The following ADAMTSL1 variants were observed in gnomAD, a reference collection of about 807,000 sequenced individuals.
The protein encoded by ADAMTSL1 is ADAMTS like 1, also known as ADAMTS-like protein 1.
A neutral mutation model predicts 201.8 loss-of-function variants in ADAMTSL1; 126 were observed. That is an observed-to-expected ratio of 0.62 (90% CI 0.54 to 0.72). The LOEUF (loss-of-function observed/expected upper bound fraction) is 0.72, where lower values mean the gene tolerates loss of function less well. ADAMTSL1 is among the 30% of genes least tolerant of loss of function. ADAMTSL1 has a pLI of 0.00. For synonymous variants in ADAMTSL1, 1,121 were observed against 903.4 expected (o/e 1.24, Z -4.32); for missense variants, 2,679 against 2,277.8 (o/e 1.18, Z -3.59).
chr9:18,598,981 G>A (rs569900266), intron 4 of ADAMTSL1, among the ~76,000 whole-genome samples: 3 of 152,208 alleles, frequency 2.0e-5, no homozygotes, highest in African/African-American at 7.2e-5. Flanking sequence ...ACTTCATACT[G>A]TCCTCTCTGC....
In ADAMTSL1 at chr9:18,370,322, G is replaced by A. The variant is rs180983678; in HGVS notation, c.208-134507G>A. ...GCACTGGGGACTCCAAAGGGGAGGAGAATGGATGAGGGTTGAAAAATTACC... is the reference window on the plus strand; with the variant it reads ...GCACTGGGGACTCCAAAGGGGAGGAAAATGGATGAGGGTTGAAAAATTACC... On this transcript the variant is annotated intron_variant, in intron 2 of 29. Transcript: ENST00000680146. Among the ~76,000 whole-genome samples the A allele has an allele frequency of 5.9e-5, 9 of 151,662 alleles. No homozygotes were observed. The East Asian group carries it at 1.8e-3, about 30-fold the overall frequency.
At chr9:18,558,482 G>A (rs1821252458) in intron 3 of ADAMTSL1, among the ~76,000 whole-genome samples, 2 of 152,260 alleles carry the variant, frequency 1.3e-5, no homozygotes, top group South Asian at 4.1e-4. Context: ...GTGTGCATGT[G>A]TCTTTATACT....
At chr9:18,868,452 T>C (rs1827679047) in intron 23 of ADAMTSL1, among the ~76,000 whole-genome samples, 1 of 152,048 alleles carries the variant, frequency 6.6e-6, no homozygotes, top group African/African-American at 2.4e-5. Context: ...TTTCTTCTAT[T>C]AGTTAAGTTA....
At chr9:18,546,092 T>C (rs1047553010) in intron 3 of ADAMTSL1, among the ~76,000 whole-genome samples, 4 of 152,214 alleles carry the variant, frequency 2.6e-5, no homozygotes, top group African/African-American at 4.8e-5. Flanking sequence ...TTCTTATGTT[T>C]TCCTTTGCAT....
intron 3 of ADAMTSL1, among the ~76,000 whole-genome samples, chr9:18,570,215 G>T (rs1215007434): frequency 1.4e-5 from 2 of 146,270 alleles, no homozygotes; most frequent in Non-Finnish European, 3.0e-5. Context: ...GACCCCATTC[G>T]CCACAAAAGG....
At chr9:18,591,311 C>G (rs112453476) in intron 4 of ADAMTSL1, among the ~76,000 whole-genome samples, 39 of 152,136 alleles carry the variant, frequency 2.6e-4, no homozygotes, top group African/African-American at 8.9e-4. Context: ...CTTAAAGTCT[C>G]TTTTATATGA....
chr9:18,540,908 C>G (rs1175293917), intron 3 of ADAMTSL1, among the ~76,000 whole-genome samples: 1 of 152,174 alleles, frequency 6.6e-6, no homozygotes, highest in East Asian at 1.9e-4. Context: ...AAGAACCTGG[C>G]TGCTGCTTCA....
At chr9:18,370,711 A>G (rs1837008022) in intron 2 of ADAMTSL1, among the ~76,000 whole-genome samples, 2 of 143,426 alleles carry the variant, frequency 1.4e-5, no homozygotes, top group South Asian at 4.2e-4. Context: ...TTTTTTTTTA[A>G]GAAAGAAAGC....
At chr9:18,253,152 G>C (rs1416692175) in intron 2 of ADAMTSL1, among the ~76,000 whole-genome samples, 1 of 152,090 alleles carries the variant, frequency 6.6e-6, no homozygotes, top group Non-Finnish European at 1.5e-5. Flanking sequence ...AATATGTATG[G>C]TACTATCTCA....
Position 18,776,121 on chromosome 9 carries a change from G to C in ADAMTSL1, c.2551+225G>C, listed in dbSNP as rs377269982. On this transcript the variant is annotated intron_variant, in intron 18 of 28. Coordinates refer to ENST00000380548, the MANE Select transcript of ADAMTSL1 (RefSeq NM_001040272.6). ...TCTCCACTGGAAAAACAGTTTGCAG[G>C]GGGGTAGAGCAAAGTTCACTTGCTG... 6.2e-4 allele frequency among the ~76,000 whole-genome samples: 94 copies of C among 152,282 alleles called. 1 individual carries two copies. In the East Asian group the frequency reaches 0.016, roughly 26 times the overall value.
At chr9:18,877,540 C>G (rs1316580850) in intron 23 of ADAMTSL1, among the ~76,000 whole-genome samples, 1 of 152,144 alleles carries the variant, frequency 6.6e-6, no homozygotes, top group Non-Finnish European at 1.5e-5. Flanking sequence ...GGGCTTCTGG[C>G]TGGTACTGAG....
At chr9:18,074,276 T>C (rs1166715169) in intron 1 of ADAMTSL1, among the ~76,000 whole-genome samples, 3 of 152,094 alleles carry the variant, frequency 2.0e-5, no homozygotes, top group Admixed American at 6.5e-5. Flanking sequence ...AAACTATGAA[T>C]GCAATGCAGG....
intron 4 of ADAMTSL1, among the ~76,000 whole-genome samples, chr9:18,613,889 G>A (rs1825542870): frequency 6.6e-6 from 1 of 152,052 alleles, no homozygotes; most frequent in African/African-American, 2.4e-5. Context: ...GAACTTAAAA[G>A]TTAAAAATTA....
chr9:17,956,131 ATACTT>A (rs1827920254), intron 1 of ADAMTSL1, among the ~76,000 whole-genome samples: 1 of 152,320 alleles, frequency 6.6e-6, no homozygotes, highest in South Asian at 2.1e-4. Flanking sequence ...ATGCAATCAA[ATACTT>A]TAACAGAAAT....
intron 26 of ADAMTSL1, among the ~76,000 whole-genome samples, chr9:18,894,592 TGAATTGAACAACTAGATAG>T (rs2131575353): frequency 6.6e-6 from 1 of 152,142 alleles, no homozygotes; most frequent in African/African-American, 2.4e-5. Context: ...CTGGAGGTTC[TGAATTGAACAACTAGATAG>T]GAATACAGAA....
At chr9:18,619,693 T>A (rs1022981775) in intron 4 of ADAMTSL1, among the ~76,000 whole-genome samples, 2 of 152,200 alleles carry the variant, frequency 1.3e-5, no homozygotes, top group Non-Finnish European at 2.9e-5. Context: ...TTTTCATGAT[T>A]ATCTCCTTTG....
At chr9:18,557,578 A>G (rs149402799) in intron 3 of ADAMTSL1, among the ~76,000 whole-genome samples, 98 of 152,166 alleles carry the variant, frequency 6.4e-4, no homozygotes, top group African/African-American at 2.1e-3. Flanking sequence ...GAAATACACC[A>G]TGTTGTCAGG....
intron 1 of ADAMTSL1, among the ~76,000 whole-genome samples, chr9:18,112,723 C>T (rs1339692214): frequency 6.6e-6 from 1 of 152,080 alleles, no homozygotes; most frequent in African/African-American, 2.4e-5. Flanking sequence ...ATTTGGTAGA[C>T]ATTTGTGGGG....
rs59150507 is a variant in ADAMTSL1 at position 18,876,301 on chromosome 9, CGTGTGT to C, written c.4250-11506_4250-11501del. Among the ~76,000 whole-genome samples, 18 of 139,726 alleles carry C rather than the reference CGTGTGT, an allele frequency of 1.3e-4. No individual in the cohort carries two copies. The East Asian group carries it at 1.5e-3, about 12-fold the overall frequency. 91.7% of individuals were successfully genotyped at this position (139,726 alleles called of 152,430 possible). A position where few individuals can be genotyped will look rare whatever the true frequency, so the allele number is the denominator to read the frequency against. On this transcript the variant is annotated intron_variant, in intron 23 of 28. Transcript: ENST00000380548. ...TATTGTGCTAGTTGTTGCCTGAATA[CGTGTGT>C]GTGTGTGTGTGTGTGTGTGTGTGCG...
Sources: gnomAD v4.1 joint callset for allele counts (sites outside exome capture counted in the v4.1 genomes callset) on GRCh38, gnomAD v4.1.1 for gene constraint, MANE v1.5 for transcripts, NCBI Gene and HGNC (gene_info 2026-07-23, HGNC 2026-07-21) for gene names.